MBP: variants seen among roughly 807,000 people sequenced by gnomAD.
The protein encoded by MBP is myelin basic protein.
A neutral mutation model predicts 35.8 loss-of-function variants in MBP; 16 were observed. The ratio of observed to expected loss-of-function variants is 0.45; its 90% CI spans 0.30 to 0.68. MBP has a LOEUF of 0.68. Ranked by LOEUF, MBP falls within the 30% of genes least tolerant of loss-of-function variation. The probability of loss-of-function intolerance (pLI) is 0.08; values close to 1 mark genes in which losing one functional copy is unlikely to be tolerated. For missense variants in MBP, 380 were observed against 404.7 expected (o/e 0.94, Z 0.52); for synonymous variants, 143 against 159.6 (o/e 0.90, Z 0.78).
At chr18:77,014,678 G>A (rs1971530326) in intron 4 of MBP, 1 of 985,408 alleles carries the variant, frequency 1.0e-6, no homozygotes, top group African/African-American at 1.7e-5. Flanking sequence ...AGAGAGTTAA[G>A]CTTTCATCTC....
chr18:76,993,564 A>C (rs1479706431), intron 4 of MBP, among the ~76,000 whole-genome samples: 1 of 151,636 alleles, frequency 6.6e-6, no homozygotes, highest in African/African-American at 2.4e-5. Context: ...AAAAAAAAAA[A>C]AAAACAAAAG....
intron 2 of MBP, among the ~76,000 whole-genome samples, chr18:77,081,806 G>GTACACACATATATA: frequency 2.3e-5 from 1 of 44,352 alleles, no homozygotes; most frequent in Non-Finnish European, 4.9e-5. Flanking sequence ...ATATATATAT[G>GTACACACATATATA]CACACACATA....
chr18:77,057,084 A>C (rs1218575195), intron 3 of MBP, among the ~76,000 whole-genome samples: 1 of 152,202 alleles, frequency 6.6e-6, no homozygotes, highest in Non-Finnish European at 1.5e-5. Flanking sequence ...GAAGCAGGGT[A>C]AATATTCAGA....
intron 1 of MBP, chr18:77,114,497 C>T (rs556428296): frequency 6.6e-6 from 1 of 152,366 alleles, no homozygotes; most frequent in East Asian, 1.9e-4. Context: ...ATTTGAAATT[C>T]CTTGTGAATG....
intron 2 of MBP, among the ~76,000 whole-genome samples, chr18:77,078,543 C>G (rs1974754058): frequency 6.6e-6 from 1 of 152,234 alleles, no homozygotes; most frequent in Non-Finnish European, 1.5e-5. Context: ...GTTTACTGCT[C>G]TCACTATCTT....
intron 2 of MBP, among the ~76,000 whole-genome samples, chr18:77,097,071 C>T (rs547424910): frequency 6.7e-4 from 102 of 152,252 alleles, no homozygotes; most frequent in African/African-American, 2.3e-3. Flanking sequence ...GGTACAGGGT[C>T]CCCAGAGACC....
At chr18:77,122,511 G>T (rs1976918504) in intron 1 of MBP, among the ~76,000 whole-genome samples, 1 of 152,122 alleles carries the variant, frequency 6.6e-6, no homozygotes, top group Non-Finnish European at 1.5e-5. Context: ...ATAGAAGACA[G>T]CAAAACGTTA....
chr18:77,003,939 C>G (rs1435251377), intron 4 of MBP: 1 of 151,996 alleles, frequency 6.6e-6, no homozygotes, highest in African/African-American at 2.4e-5. Flanking sequence ...AAACAGCAGA[C>G]CCCCTGCAAA....
intron 8 of MBP, chr18:76,982,005 T>C (rs909418978): frequency 5.3e-5 from 8 of 152,228 alleles, no homozygotes; most frequent in African/African-American, 1.4e-4. Flanking sequence ...ATCTTAACTT[T>C]CTTGATGCCC....
intron 3 of MBP, among the ~76,000 whole-genome samples, chr18:77,026,376 A>G (rs1238817747): frequency 6.6e-6 from 1 of 152,242 alleles, no homozygotes; most frequent in Non-Finnish European, 1.5e-5. Flanking sequence ...AATCCAGAGC[A>G]TGCCATAGGA....
At chr18:77,018,964 T>C (rs9949636) in intron 3 of MBP, among the ~76,000 whole-genome samples, 2,270 of 122,516 alleles carry the variant, frequency 0.019, 70 homozygotes, top group African/African-American at 0.065. Flanking sequence ...ATCTATCCAT[T>C]CATCCATCCA....
At chr18:77,130,765 C>G (rs1467788755) in intron 1 of MBP, among the ~76,000 whole-genome samples, 1 of 151,392 alleles carries the variant, frequency 6.6e-6, no homozygotes, top group Non-Finnish European at 1.5e-5. Context: ...ACTGACCAAA[C>G]TCAAACCCGA....
chr18:77,106,273 A>G (rs1324709399), intron 1 of MBP, among the ~76,000 whole-genome samples: 2 of 152,210 alleles, frequency 1.3e-5, no homozygotes, highest in Non-Finnish European at 2.9e-5. Context: ...TGTGTTCCTC[A>G]AAAGTCTCTC....
intron 1 of MBP, among the ~76,000 whole-genome samples, chr18:77,119,357 C>T (rs1976818092): frequency 6.6e-6 from 1 of 152,218 alleles, no homozygotes; most frequent in Non-Finnish European, 1.5e-5. Flanking sequence ...AGCCGGGTCT[C>T]TGTCTTGTCA....
intron 2 of MBP, among the ~76,000 whole-genome samples, chr18:77,067,179 C>G (rs577410473): frequency 1.3e-5 from 2 of 152,226 alleles, no homozygotes; most frequent in Non-Finnish European, 2.9e-5. Flanking sequence ...ACAGTGGCTG[C>G]GTGCTGAAAC....
rs562057202 is a variant in MBP, at chr18:76,985,719, C to A, written c.751-825G>T. ...CTTTCTAGCTCATCCGGCTGTGTGG[C>A]CTTGGGCAAGGGCAGGAACCTCTCT... is the stretch of plus-strand genomic sequence containing the variant. On this transcript the variant is annotated intron_variant, in intron 7 of 8. Coordinates refer to ENST00000355994, the MANE Select transcript of MBP (RefSeq NM_001025101.2). 4.0e-6 allele frequency: 4 copies of A among 1,010,228 alleles called. No individual in the cohort carries two copies. In the South Asian group the frequency reaches 1.2e-4, roughly 31 times the overall value. 62.6% of individuals were successfully genotyped at this position (1,010,228 alleles called of 1,614,324 possible).
intron 4 of MBP, among the ~76,000 whole-genome samples, chr18:76,990,461 C>T (rs1040832824): frequency 1.3e-4 from 20 of 152,056 alleles, no homozygotes; most frequent in African/African-American, 4.8e-4. Context: ...CAAGATGATC[C>T]TATATCACTC....
At chr18:77,052,089 C>T (rs183517942) in intron 3 of MBP, among the ~76,000 whole-genome samples, 4 of 152,106 alleles carry the variant, frequency 2.6e-5, no homozygotes, top group Non-Finnish European at 2.9e-5. Flanking sequence ...GCTGCCCTCC[C>T]GAGACTGTGC....
chr18:77,009,876 G>A, intron 4 of MBP: 5 of 1,594,408 alleles, frequency 3.1e-6, no homozygotes, highest in Admixed American at 1.7e-5. Flanking sequence ...GCCCAGGCTG[G>A]CTGCGGGCAT....
Sources: allele counts gnomAD v4.1 joint callset (sites outside exome capture counted in the v4.1 genomes callset), GRCh38; gene constraint gnomAD v4.1.1; transcripts MANE v1.5; gene names NCBI Gene and HGNC (gene_info 2026-07-23, HGNC 2026-07-21).